CNTN5: variants seen among roughly 807,000 people sequenced by gnomAD.
CNTN5 encodes the protein contactin-5.
A neutral mutation model predicts 129.1 loss-of-function variants in CNTN5; 77 were observed. The observed-to-expected ratio is 0.60, with a 90% CI of 0.50 to 0.72. The LOEUF (loss-of-function observed/expected upper bound fraction) is 0.72, where lower values mean the gene tolerates loss of function less well. CNTN5 is among the 30% of genes least tolerant of loss of function. The pLI is 0.00. For missense variants in CNTN5, 1,478 were observed against 1,328.8 expected (o/e 1.11, Z -1.75); for synonymous variants, 509 against 465.6 (o/e 1.09, Z -1.20).
chr11:99,761,424 C>T (rs1944577989), intron 3 of CNTN5, among the ~76,000 whole-genome samples: 2 of 152,076 alleles, frequency 1.3e-5, no homozygotes, highest in South Asian at 4.1e-4. Flanking sequence ...CCTCCCACCA[C>T]CCCACAACAG....
chr11:100,019,109 C>A (rs922726469), intron 9 of CNTN5, among the ~76,000 whole-genome samples: 1 of 151,790 alleles, frequency 6.6e-6, no homozygotes, highest in Non-Finnish European at 1.5e-5. Context: ...CTTTTTATTG[C>A]CTTACTAGTG....
At chr11:100,265,485 A>G (rs1950284627) in intron 17 of CNTN5, among the ~76,000 whole-genome samples, 1 of 152,114 alleles carries the variant, frequency 6.6e-6, no homozygotes, top group South Asian at 2.1e-4. Flanking sequence ...TTTTGGTTTC[A>G]TAGTTGCTCC....
chr11:99,982,835 GT>G (rs1411484286), intron 8 of CNTN5, among the ~76,000 whole-genome samples: 5 of 152,064 alleles, frequency 3.3e-5, no homozygotes, highest in African/African-American at 1.2e-4. Flanking sequence ...TAGATACGGG[GT>G]TTCACCGTAT....
chr11:99,745,257 T>A (rs1944016596), intron 3 of CNTN5, among the ~76,000 whole-genome samples: 1 of 152,156 alleles, frequency 6.6e-6, no homozygotes. Flanking sequence ...ACTTTTTAAA[T>A]GCTGGAAGAA....
At chr11:99,513,733 G>GA (rs34798386) in intron 2 of CNTN5, among the ~76,000 whole-genome samples, 98,777 of 150,050 alleles carry the variant, frequency 0.66, 32,586 homozygotes, top group Middle Eastern at 0.73. Flanking sequence ...AATGCTCAGA[G>GA]AAAAAAAAAA....
chr11:99,585,829 T>A (rs1348736486), intron 3 of CNTN5, among the ~76,000 whole-genome samples: 1 of 152,094 alleles, frequency 6.6e-6, no homozygotes, highest in Non-Finnish European at 1.5e-5. Flanking sequence ...TCATAAAGAA[T>A]TTGGACGATT....
chr11:99,390,720 C>T (rs1282812334), intron 2 of CNTN5, among the ~76,000 whole-genome samples: 2 of 152,090 alleles, frequency 1.3e-5, no homozygotes, highest in African/African-American at 4.8e-5. Flanking sequence ...AAACTTCGAA[C>T]ATTCCTGGCT....
intron 13 of CNTN5, among the ~76,000 whole-genome samples, chr11:100,113,276 C>T (rs1945714248): frequency 6.6e-6 from 1 of 151,294 alleles, no homozygotes; most frequent in Non-Finnish European, 1.5e-5. Flanking sequence ...AATTAATTTA[C>T]ATTTTAAGAG....
chr11:99,382,561 T>A (rs1940634898), intron 2 of CNTN5, among the ~76,000 whole-genome samples: 1 of 152,172 alleles, frequency 6.6e-6, no homozygotes, highest in Non-Finnish European at 1.5e-5. Context: ...AATACCTGTG[T>A]GTGCTTTTAC....
At chr11:100,270,202 C>T (rs890039684) in intron 17 of CNTN5, among the ~76,000 whole-genome samples, 7 of 152,182 alleles carry the variant, frequency 4.6e-5, no homozygotes, top group Admixed American at 3.9e-4. Context: ...TATTTGGTAA[C>T]ATTCTTTTGG....
At chr11:99,811,755 G>A (rs1431184856) in intron 3 of CNTN5, among the ~76,000 whole-genome samples, 1 of 151,946 alleles carries the variant, frequency 6.6e-6, no homozygotes, top group East Asian at 1.9e-4. Context: ...CATGGTGTGA[G>A]AGCACCAGGT....
rs35251239 is a variant in CNTN5 at position 100,076,671 on chromosome 11, AT to A, written c.1580+2388del. On this transcript the variant is annotated intron_variant, in intron 13 of 24. Coordinates refer to ENST00000524871, the MANE Select transcript of CNTN5 (RefSeq NM_014361.4). ...TGTTTAGGAAGAAGGCTAAAATGTA[AT>A]TTTTTTTTTTAATTTATTCAAGTAA... Among the ~76,000 whole-genome samples the A allele has an allele frequency of 5.6e-3, 837 of 148,650 alleles. 9 individuals carry two copies. Among genetic ancestry groups the A allele is most frequent in the African/African-American group, 0.016 (669 of 40,722 alleles).
At chr11:99,486,761 T>G (rs143524288) in intron 2 of CNTN5, among the ~76,000 whole-genome samples, 2 of 152,298 alleles carry the variant, frequency 1.3e-5, no homozygotes, top group East Asian at 3.9e-4. Flanking sequence ...AAGCATTACT[T>G]TGATCAATAT....
chr11:99,770,334 A>G (rs184400023), intron 3 of CNTN5, among the ~76,000 whole-genome samples: 160 of 152,218 alleles, frequency 1.1e-3, no homozygotes, highest in Admixed American at 4.1e-3. Flanking sequence ...TGTTCCTTTC[A>G]ACTTGTTAAC....
chr11:99,450,410 T>A (rs1944254733), intron 2 of CNTN5, among the ~76,000 whole-genome samples: 1 of 152,068 alleles, frequency 6.6e-6, no homozygotes, highest in Admixed American at 6.6e-5. Context: ...GACTGTGATG[T>A]CCCCACAAAC....
chr11:100,217,739 T>C (rs1245782037), intron 15 of CNTN5, among the ~76,000 whole-genome samples: 1 of 152,186 alleles, frequency 6.6e-6, no homozygotes, highest in Non-Finnish European at 1.5e-5. Flanking sequence ...CCTACCAGCG[T>C]TGCCTCATTG....
At chr11:99,455,047 C>G (rs940021518) in intron 2 of CNTN5, among the ~76,000 whole-genome samples, 1 of 152,178 alleles carries the variant, frequency 6.6e-6, no homozygotes, top group African/African-American at 2.4e-5. Flanking sequence ...TTTTCTTAAC[C>G]TGAGACCTCA....
chr11:99,403,165 C>T (rs1382984332), intron 2 of CNTN5, among the ~76,000 whole-genome samples: 4 of 151,934 alleles, frequency 2.6e-5, no homozygotes, highest in Non-Finnish European at 4.4e-5. Context: ...TACCACCATG[C>T]CTGGCTAATT....
chr11:99,255,363 A>G (rs1862321271), intron 1 of CNTN5, among the ~76,000 whole-genome samples: 1 of 151,802 alleles, frequency 6.6e-6, no homozygotes, highest in Non-Finnish European at 1.5e-5. Flanking sequence ...TAAAAGTTGA[A>G]GGGGATAAAT....
Sources: allele counts gnomAD v4.1 joint callset (sites outside exome capture counted in the v4.1 genomes callset), GRCh38; gene constraint gnomAD v4.1.1; transcripts MANE v1.5; gene names NCBI Gene and HGNC (gene_info 2026-07-23, HGNC 2026-07-21).